Variants in RARA observed in about 807,000 individuals in gnomAD.
RARA encodes the protein PML-DDX5-RARA fusion.
Under a neutral mutation model 42.8 loss-of-function variants are expected in RARA, and 5 were observed. The observed-to-expected ratio is 0.12, with a 90% CI of 0.06 to 0.25. The LOEUF is 0.25. RARA is among the 10% of genes least tolerant of loss of function. The pLI is 1.00. For synonymous variants in RARA, 256 were observed against 259.5 expected, an observed-to-expected ratio of 0.99 and a Z score of 0.13; for missense variants, 402 against 628.7, an observed-to-expected ratio of 0.64 and a Z score of 3.86.
intron 2 of RARA, chr17:40,342,750 C>G (rs1261306553): frequency 6.2e-7 from 1 of 1,612,794 alleles, no homozygotes; most frequent in South Asian, 1.1e-5. Flanking sequence ...TAATCCCTTC[C>G]TAGTGGTGGA....
intron 2 of RARA, among the ~76,000 whole-genome samples, chr17:40,346,993 C>G (rs1425002432): frequency 6.6e-6 from 1 of 152,268 alleles, no homozygotes; most frequent in Non-Finnish European, 1.5e-5. Context: ...CCCACTGTGT[C>G]TGCAGGTAAG....
rs2143474582 is a variant in RARA, at chr17:40,349,879, G to A, written c.423G>A (p.Gln141=). 6.2e-7 allele frequency: 1 copy of A among 1,614,256 alleles called. No homozygotes were observed. The highest frequency in any genetic ancestry group is 8.5e-7 in the Non-Finnish European group (1 of 1,180,042). Residue 141 remains glutamine (Q), a synonymous_variant, in exon 4 of 9, where the codon CAG becomes CAA. Transcript: ENST00000254066. ...IINKVTRNRC[Q]YCRLQKCFEV... ...ACAAGGTGACCCGGAACCGCTGCCA[G>A]TACTGCCGACTGCAGAAGTGCTTTG...
At chr17:40,331,544 G>A (rs1169454300) in intron 2 of RARA, 148 bp downstream of exon 2, 1 of 1,064,912 alleles carries the variant, frequency 9.4e-7, no homozygotes, top group Non-Finnish European at 1.3e-6. Context: ...CATCATTTGA[G>A]GTCTTAAAAA....
At chr17:40,331,454 G>A in intron 2 of RARA, 58 bp downstream of exon 2, 1 of 1,553,436 alleles carries the variant, frequency 6.4e-7, no homozygotes, top group Non-Finnish European at 8.7e-7. Flanking sequence ...GCAGGCCTCA[G>A]AGCTTGGGCT....
intron 2 of RARA, among the ~76,000 whole-genome samples, chr17:40,332,086 G>A (rs1199064814): frequency 6.6e-6 from 1 of 152,232 alleles, no homozygotes; most frequent in Non-Finnish European, 1.5e-5. Context: ...GAGGTCACTT[G>A]TTGGCTGGGC....
intron 3 of RARA, 112 bp downstream of exon 3, chr17:40,348,576 C>T (rs1024224735): frequency 1.5e-6 from 2 of 1,368,122 alleles, no homozygotes; most frequent in African/African-American, 1.5e-5. Context: ...TGCTGCTCTT[C>T]TTTCTCTGTG....
rs1374065880 is a variant in RARA at position 40,357,583 on chromosome 17, T to A, written c.*1357T>A. ...TTCCCCTGGAGCCCGTGGGTGCACC[T>A]GTTACTGTTGGGCTTTCCACTGAGA... On this transcript the variant is annotated 3_prime_UTR_variant, in exon 9 of 9. Coordinates refer to ENST00000254066, the MANE Select transcript of RARA (RefSeq NM_000964.4). 4.3e-6 allele frequency: 1 copy of A among 231,502 alleles called. No homozygotes were observed. The highest frequency in any genetic ancestry group is 8.5e-6 in the Non-Finnish European group (1 of 116,998). 14.3% of individuals were successfully genotyped at this position (231,502 alleles called of 1,614,324 possible).
intron 2 of RARA, chr17:40,342,067 G>A: frequency 9.6e-7 from 1 of 1,038,114 alleles, no homozygotes; most frequent in Non-Finnish European, 1.2e-6. Flanking sequence ...CCGGGAATGG[G>A]TTAAGCCAGG....
At chr17:40,315,559 C>G (rs1299999254) in intron 1 of RARA, among the ~76,000 whole-genome samples, 1 of 152,042 alleles carries the variant, frequency 6.6e-6, no homozygotes, top group Non-Finnish European at 1.5e-5. Context: ...GAGGAGTCAG[C>G]TGGAGCTGGT....
chr17:40,355,938 C>T lies in RARA; in HGVS notation c.1172-71C>T. On this transcript the variant is annotated intron_variant, in intron 8 of 8. Coordinates refer to ENST00000254066, the MANE Select transcript of RARA (RefSeq NM_000964.4). This position sits in a 1 kb window ranked among gnomAD's most constrained non-coding sequence, Gnocchi z 4.1. ...GCAGTATTGATCTTCCCACCTCGAGCCAGGCTTGCTGGGGCTGGGGGTGGG... is the reference window on the plus strand; with the variant it reads ...GCAGTATTGATCTTCCCACCTCGAGTCAGGCTTGCTGGGGCTGGGGGTGGG... 2 of 1,384,374 alleles carry T rather than the reference C, an allele frequency of 1.4e-6. No individual in the cohort carries two copies. Among genetic ancestry groups the T allele is most frequent in the Non-Finnish European group, 2.0e-6 (2 of 1,015,300 alleles). The allele number at this position is 1,384,374 out of a possible 1,614,324, so 85.8% of individuals were successfully genotyped here.
At chr17:40,343,104 A>C in intron 2 of RARA, 1 of 676,230 alleles carries the variant, frequency 1.5e-6, no homozygotes, top group Non-Finnish European at 2.1e-6. Flanking sequence ...TCCTTCTTTC[A>C]AGCAACATTC....
chr17:40,315,167 T>TACACACACAC (rs1299638664), intron 1 of RARA, among the ~76,000 whole-genome samples: 4 of 116,026 alleles, frequency 3.4e-5, no homozygotes, highest in African/African-American at 1.2e-4. Flanking sequence ...TATATATATA[T>TACACACACAC]ATATACACAC....
chr17:40,338,382 GA>G (rs2033920480), intron 2 of RARA, among the ~76,000 whole-genome samples: 1 of 152,212 alleles, frequency 6.6e-6, no homozygotes, highest in South Asian at 2.1e-4. Flanking sequence ...TTGGCTGTCA[GA>G]AATAGAGGTG....
chr17:40,333,819 T>C (rs1284123907), intron 2 of RARA, among the ~76,000 whole-genome samples: 6 of 152,134 alleles, frequency 3.9e-5, no homozygotes, highest in African/African-American at 2.4e-5. Flanking sequence ...TGATTTTTCA[T>C]AGAGACAAGG....
chr17:40,348,549 G>C (rs894375914), intron 3 of RARA, 85 bp downstream of exon 3: 3 of 1,465,590 alleles, frequency 2.0e-6, no homozygotes, highest in South Asian at 2.8e-5. Flanking sequence ...TGTGCAGTTG[G>C]GGGGTGTCCC....
At chr17:40,331,521 C>A in intron 2 of RARA, 125 bp downstream of exon 2, 2 of 1,168,474 alleles carry the variant, frequency 1.7e-6, no homozygotes, top group South Asian at 1.6e-5. Context: ...AGGTCTTCTC[C>A]AGTTGGGGTG....
chr17:40,349,079 C>T lies in RARA; in HGVS notation c.327+615C>T, dbSNP rs142873637. The T allele has an allele frequency of 2.1e-3, 327 of 155,152 alleles. 1 individual carries two copies. Among genetic ancestry groups the T allele is most frequent in the Middle Eastern group, 0.01 (3 of 294 alleles). 9.6% of individuals were successfully genotyped at this position (155,152 alleles called of 1,614,324 possible). On this transcript the variant is annotated intron_variant, in intron 3 of 8. Coordinates refer to ENST00000254066, the MANE Select transcript of RARA (RefSeq NM_000964.4). ...GGCTCAGAATCTTCACAGCTTTGGG[C>T]CTTGCAGCTCTGGGCTGCTCTTCAG...
At chr17:40,343,952 C>G (rs2034163850) in intron 2 of RARA, among the ~76,000 whole-genome samples, 1 of 152,146 alleles carries the variant, frequency 6.6e-6, no homozygotes, top group Non-Finnish European at 1.5e-5. Context: ...GGAGCAGGCG[C>G]AAGGGGGTTA....
Position 40,315,159 on chromosome 17 carries a change from T to TACAC in RARA, c.-363+5874_-363+5875insCACA, listed in dbSNP as rs1172471420. On this transcript the variant is annotated intron_variant, in intron 1 of 8. Coordinates refer to ENST00000254066, the MANE Select transcript of RARA (RefSeq NM_000964.4). The stretch of plus-strand genomic sequence containing the variant: ...ATATATATATATATATATATATATA[T>TACAC]ATATATATATATACACACACACACA... 7.2e-3 allele frequency among the ~76,000 whole-genome samples: 902 copies of TACAC among 124,810 alleles called. 16 individuals carry two copies. Among genetic ancestry groups the TACAC allele is most frequent in the African/African-American group, 0.032 (849 of 26,568 alleles). The allele number at this position is 124,810 out of a possible 152,430, so 81.9% of individuals were successfully genotyped here.
Sources: allele counts gnomAD v4.1 joint callset (sites outside exome capture counted in the v4.1 genomes callset), GRCh38; gene constraint gnomAD v4.1.1; non-coding constraint Gnocchi (gnomAD v3.1); transcripts MANE v1.5; gene names NCBI Gene and HGNC (gene_info 2026-07-23, HGNC 2026-07-21).